Variants in RNF115 observed in about 807,000 individuals in gnomAD.
RNF115 encodes E3 ubiquitin-protein ligase RNF115.
In RNF115, 31 loss-of-function variants were observed where a neutral mutation model predicts 39.2. The observed-to-expected ratio is 0.79, with a 90% CI of 0.59 to 1.07. The LOEUF is 1.07. RNF115 is among the 50% of genes least tolerant of loss of function. The pLI is 0.00. For missense variants in RNF115, 384 were observed against 381.7 expected (o/e 1.01, Z -0.05); for synonymous variants, 124 against 131.0 (o/e 0.95, Z 0.37).
chr1:145,819,179 C>T (rs1473456065), intron 1 of RNF115, among the ~76,000 whole-genome samples: 1 of 146,356 alleles, frequency 6.8e-6, no homozygotes, highest in Non-Finnish European at 1.5e-5. Context: ...CTCATGCCTA[C>T]AATCCCAGCA....
rs140070400 is a variant in RNF115 at position 145,771,531 on chromosome 1, A to G, written c.428+180T>C. 5.1e-4 allele frequency among the ~76,000 whole-genome samples: 78 copies of G among 152,258 alleles called. 1 individual carries two copies. The East Asian group carries it at 0.014, about 27-fold the overall frequency. On this transcript the variant is annotated intron_variant, in intron 4 of 8. Transcript: ENST00000582693. The stretch of plus-strand genomic sequence containing the variant: ...GTTAATCAGAGACATAGCATTTCTC[A>G]CTCTCTGGTTTATCATCGGGTGAGT...
intron 4 of RNF115, among the ~76,000 whole-genome samples, chr1:145,754,184 G>A (rs1369065814): frequency 3.3e-5 from 5 of 151,986 alleles, no homozygotes; most frequent in African/African-American, 1.2e-4. Context: ...ATTTTTAACT[G>A]ACAAAAATTG....
At chr1:145,820,392 A>G (rs1197811137) in intron 1 of RNF115, among the ~76,000 whole-genome samples, 1 of 151,776 alleles carries the variant, frequency 6.6e-6, no homozygotes, top group Non-Finnish European at 1.5e-5. Context: ...TTGAGCCCAC[A>G]AATTCAAGAA....
intron 3 of RNF115, among the ~76,000 whole-genome samples, chr1:145,774,042 C>T (rs1553716152): frequency 6.6e-6 from 1 of 152,080 alleles, no homozygotes; most frequent in African/African-American, 2.4e-5. Flanking sequence ...TTTCTTCTGG[C>T]GAAGTATTTG....
chr1:145,769,850 T>C (rs1056828600), intron 4 of RNF115, among the ~76,000 whole-genome samples: 4 of 150,328 alleles, frequency 2.7e-5, no homozygotes, highest in Non-Finnish European at 4.4e-5. Context: ...CTACCAAAAA[T>C]TGAAAAATTA....
At chr1:145,778,838 C>T (rs1347217873) in intron 3 of RNF115, among the ~76,000 whole-genome samples, 4 of 152,170 alleles carry the variant, frequency 2.6e-5, no homozygotes, top group African/African-American at 9.7e-5. Context: ...CGCATTTCTC[C>T]AGCAAGTGGA....
At position 145,771,704 on chromosome 1, in the gene RNF115, A is replaced by C; in HGVS notation, c.428+7T>G. 6.2e-7 allele frequency: 1 copy of C among 1,610,750 alleles called. No individual in the cohort carries two copies. The highest frequency in any genetic ancestry group is 8.5e-7 in the Non-Finnish European group (1 of 1,177,852). ...CCTTAAAAAGAACTTAAAATAAAAC[A>C]ACTCACCCTTCAATAGCTGGAGATC... On this transcript the variant is annotated splice_region_variant and intron_variant, in intron 4 of 8. Transcript: ENST00000582693.
chr1:145,789,700 CTTTTTTT>C (rs67276251), intron 1 of RNF115, among the ~76,000 whole-genome samples: 24,132 of 85,848 alleles, frequency 0.28, 2,555 homozygotes, highest in Non-Finnish European at 0.35. Context: ...ACCCGGACTT[CTTTTTTT>C]TTTTTTTTTT....
intron 4 of RNF115, among the ~76,000 whole-genome samples, chr1:145,768,803 C>A (rs1647505406): frequency 6.6e-6 from 1 of 152,138 alleles, no homozygotes; most frequent in Non-Finnish European, 1.5e-5. Context: ...TGAAATTGTA[C>A]TTTCAAAACA....
intron 1 of RNF115, among the ~76,000 whole-genome samples, chr1:145,795,427 TTGATTGGTCCATTTTACAGAGCGC>T (rs1256877619): frequency 3.9e-5 from 6 of 152,140 alleles, no homozygotes; most frequent in African/African-American, 7.2e-5. Flanking sequence ...CACGTCCTGC[TTGATTGGTCCATTTTACAGAGCGC>T]TGATTGGTCC....
chr1:145,769,480 G>C (rs1464422699), intron 4 of RNF115, among the ~76,000 whole-genome samples: 1 of 152,026 alleles, frequency 6.6e-6, no homozygotes, highest in Non-Finnish European at 1.5e-5. Flanking sequence ...TAGAAGCTGA[G>C]AATACAGAGA....
At chr1:145,751,554 G>GCT in intron 5 of RNF115, 44 bp from the exon 6 acceptor site, 4 of 1,439,714 alleles carry the variant, frequency 2.8e-6, no homozygotes, top group Non-Finnish European at 3.8e-6. Context: ...GAGTGACCAG[G>GCT]CTCTGCCTTA....
intron 4 of RNF115, 21 bp from the exon 5 acceptor site, chr1:145,753,070 A>G (rs1180206990): frequency 1.3e-6 from 2 of 1,525,382 alleles, no homozygotes; most frequent in Non-Finnish European, 1.8e-6. Flanking sequence ...AGAAAAAATT[A>G]GATAAGACAA....
chr1:145,778,218 G>C (rs1001391771), intron 3 of RNF115, among the ~76,000 whole-genome samples: 3 of 152,188 alleles, frequency 2.0e-5, no homozygotes, highest in Non-Finnish European at 2.9e-5. Context: ...AATTAGAAAA[G>C]AGTCAGTCAC....
At chr1:145,765,417 A>G (rs931036196) in intron 4 of RNF115, among the ~76,000 whole-genome samples, 3 of 69,248 alleles carry the variant, frequency 4.3e-5, no homozygotes, top group Admixed American at 1.6e-4. Flanking sequence ...AATGATCAAT[A>G]AAAAAAAAAA....
At chr1:145,807,524 TTA>T (rs1417875523) in intron 1 of RNF115, among the ~76,000 whole-genome samples, 1 of 152,204 alleles carries the variant, frequency 6.6e-6, no homozygotes, top group Non-Finnish European at 1.5e-5. Flanking sequence ...TTAAACATTT[TTA>T]TGATTCTCAC....
rs1434987090 is a variant in RNF115, at chr1:145,750,240, C to CT, written c.667+166dup. 2.0e-5 allele frequency among the ~76,000 whole-genome samples: 3 copies of CT among 152,246 alleles called. No individual in the cohort carries two copies. In the East Asian group the frequency reaches 5.8e-4, roughly 29 times the overall value. On this transcript the variant is annotated intron_variant, in intron 7 of 8. Transcript: ENST00000582693. ...GCACCCAGATAGGAATTTTAGAGGGCTATAGCTTCACTTAAAGGTCCTTAA... is the reference window on the plus strand; with the variant it reads ...GCACCCAGATAGGAATTTTAGAGGGCTTATAGCTTCACTTAAAGGTCCTTAA...
At chr1:145,763,706 C>A (rs909900406) in intron 4 of RNF115, among the ~76,000 whole-genome samples, 9 of 151,830 alleles carry the variant, frequency 5.9e-5, no homozygotes, top group Non-Finnish European at 8.8e-5. Context: ...CTCAAAAAAA[C>A]AAAACAAAAC....
intron 5 of RNF115, 66 bp downstream of exon 5, chr1:145,752,912 C>A (rs1169023976): frequency 5.1e-6 from 6 of 1,174,224 alleles, no homozygotes; most frequent in Non-Finnish European, 7.6e-6. Context: ...CTCTACTGCA[C>A]AGAAATGACA....
Sources: allele counts gnomAD v4.1 joint callset (sites outside exome capture counted in the v4.1 genomes callset), GRCh38; gene constraint gnomAD v4.1.1; transcripts MANE v1.5; gene names NCBI Gene and HGNC (gene_info 2026-07-23, HGNC 2026-07-21).